Variants in PTPRD observed in about 807,000 individuals in gnomAD.
PTPRD encodes protein tyrosine phosphatase receptor type D.
PTPRD carries 34 observed loss-of-function variants against 214.5 expected under a neutral mutation model. The ratio of observed to expected loss-of-function variants is 0.16; its 90% CI spans 0.12 to 0.21. PTPRD has a LOEUF of 0.21. PTPRD is among the 10% of genes least tolerant of loss of function. The pLI is 1.00. For missense variants in PTPRD, 2,545 were observed against 2,398.7 expected, an observed-to-expected ratio of 1.06 and a Z score of -1.27; for synonymous variants, 1,128 against 845.7, an observed-to-expected ratio of 1.33 and a Z score of -5.79.
In PTPRD at chr9:10,100,897, G is replaced by C. The variant is rs556593313; in HGVS notation, c.-544-67107C>G. Among the ~76,000 whole-genome samples the C allele has an allele frequency of 1.6e-4, 24 of 151,664 alleles. No homozygotes were observed. The East Asian group carries it at 4.7e-3, about 30-fold the overall frequency. On this transcript the variant is annotated intron_variant, in intron 3 of 45. Transcript: ENST00000381196. Reference sequence around the variant, plus strand: ...AATAATAAAGAAACAAATACTAAAAGAGCAGGCAGCATACTGAGATAACGA... The same window carrying C: ...AATAATAAAGAAACAAATACTAAAACAGCAGGCAGCATACTGAGATAACGA...
intron 8 of PTPRD, among the ~76,000 whole-genome samples, chr9:9,448,139 G>A (rs1016406882): frequency 2.0e-5 from 3 of 152,004 alleles, no homozygotes; most frequent in African/African-American, 7.2e-5. Flanking sequence ...ATTTAAATCA[G>A]GGTAGTAACA....
At chr9:10,225,125 T>C (rs1564633593) in intron 3 of PTPRD, among the ~76,000 whole-genome samples, 1 of 151,966 alleles carries the variant, frequency 6.6e-6, no homozygotes, top group Non-Finnish European at 1.5e-5. Context: ...TATAGCTCCA[T>C]GTCATAAAAC....
chr9:10,595,639 T>G (rs2133118627), intron 2 of PTPRD, among the ~76,000 whole-genome samples: 1 of 151,488 alleles, frequency 6.6e-6, no homozygotes, highest in Admixed American at 6.6e-5. Context: ...ATTTAATTGA[T>G]TCACAATTAT....
At chr9:9,495,835 C>T (rs1021612284) in intron 8 of PTPRD, among the ~76,000 whole-genome samples, 3 of 152,320 alleles carry the variant, frequency 2.0e-5, no homozygotes, top group East Asian at 1.9e-4. Context: ...AGCCACCCCA[C>T]GTGATGAGGC....
At chr9:10,535,589 G>C (rs1043008141) in intron 2 of PTPRD, among the ~76,000 whole-genome samples, 1 of 151,944 alleles carries the variant, frequency 6.6e-6, no homozygotes, top group Non-Finnish European at 1.5e-5. Flanking sequence ...CACAGCAAGA[G>C]TTTTTATAGC....
At chr9:8,360,598 C>G (rs1297110569) in intron 39 of PTPRD, among the ~76,000 whole-genome samples, 1 of 152,168 alleles carries the variant, frequency 6.6e-6, no homozygotes, top group Non-Finnish European at 1.5e-5. Flanking sequence ...ATACCATACT[C>G]TATAACCCAC....
intron 8 of PTPRD, among the ~76,000 whole-genome samples, chr9:9,539,146 C>G (rs1180721140): frequency 6.6e-6 from 1 of 151,842 alleles, no homozygotes; most frequent in African/African-American, 2.4e-5. Context: ...GAAGGAGTTA[C>G]TTAAAACAGG....
At chr9:9,237,238 T>A (rs1326490784) in intron 9 of PTPRD, among the ~76,000 whole-genome samples, 1 of 152,136 alleles carries the variant, frequency 6.6e-6, no homozygotes, top group Non-Finnish European at 1.5e-5. Context: ...TCAATAGCAT[T>A]CAGGCTGCAA....
intron 11 of PTPRD, among the ~76,000 whole-genome samples, chr9:8,859,608 C>T (rs779064434): frequency 1.7e-4 from 26 of 152,142 alleles, no homozygotes; most frequent in Non-Finnish European, 3.1e-4. Context: ...TAAACAGACA[C>T]CCTTAGATTT....
intron 3 of PTPRD, among the ~76,000 whole-genome samples, chr9:10,253,192 G>T (rs561359032): frequency 6.6e-6 from 1 of 152,224 alleles, no homozygotes; most frequent in South Asian, 2.1e-4. Context: ...TAAAGGGGGT[G>T]ACCCATCACT....
intron 32 of PTPRD, among the ~76,000 whole-genome samples, chr9:8,464,599 C>T (rs1163404560): frequency 1.3e-5 from 2 of 151,842 alleles, no homozygotes; most frequent in Non-Finnish European, 2.9e-5. Flanking sequence ...ACTGGGTTGC[C>T]ACACCTGTCA....
chr9:10,173,095 A>G (rs563646421), intron 3 of PTPRD, among the ~76,000 whole-genome samples: 3 of 152,282 alleles, frequency 2.0e-5, no homozygotes, highest in African/African-American at 7.2e-5. Flanking sequence ...TTTTATCTCT[A>G]TTTGGAATAT....
chr9:8,719,521 G>C (rs10121404), intron 12 of PTPRD, among the ~76,000 whole-genome samples: 34 of 152,352 alleles, frequency 2.2e-4, no homozygotes, highest in African/African-American at 7.9e-4. Context: ...CTGATGAGGA[G>C]TTGCAGGTGA....
At chr9:9,337,026 A>G (rs1276506625) in intron 9 of PTPRD, among the ~76,000 whole-genome samples, 4 of 152,182 alleles carry the variant, frequency 2.6e-5, no homozygotes, top group Non-Finnish European at 5.9e-5. Context: ...TTTTAAAAGC[A>G]AAATACATTG....
chr9:9,636,841 A>C (rs1220708693), intron 7 of PTPRD, among the ~76,000 whole-genome samples: 1 of 152,200 alleles, frequency 6.6e-6, no homozygotes, highest in East Asian at 1.9e-4. Flanking sequence ...TTTGTTTCTC[A>C]TAGTCTTGGA....
At chr9:8,557,233 G>A (rs2084123430) in intron 14 of PTPRD, among the ~76,000 whole-genome samples, 1 of 151,754 alleles carries the variant, frequency 6.6e-6, no homozygotes, top group Non-Finnish European at 1.5e-5. Context: ...ATTACTCAGT[G>A]GTCTTGACAA....
chr9:8,568,833 G>T (rs573754611), intron 14 of PTPRD, among the ~76,000 whole-genome samples: 1 of 151,776 alleles, frequency 6.6e-6, no homozygotes, highest in Non-Finnish European at 1.5e-5. Context: ...ATAAGTGTTG[G>T]TCTTCTAAGT....
chr9:9,524,949 C>T (rs920521414), intron 8 of PTPRD, among the ~76,000 whole-genome samples: 2 of 152,102 alleles, frequency 1.3e-5, no homozygotes, highest in African/African-American at 4.8e-5. Flanking sequence ...GCTCCGCCTT[C>T]CAGGTTCACG....
At chr9:10,468,879 A>C (rs1360308512) in intron 2 of PTPRD, among the ~76,000 whole-genome samples, 1 of 152,184 alleles carries the variant, frequency 6.6e-6, no homozygotes, top group African/African-American at 2.4e-5. Flanking sequence ...ATTAAAGAAG[A>C]AAGGTCATAT....
Sources: gnomAD v4.1 joint callset for allele counts (sites outside exome capture counted in the v4.1 genomes callset) on GRCh38, gnomAD v4.1.1 for gene constraint, MANE v1.5 for transcripts, NCBI Gene and HGNC (gene_info 2026-07-23, HGNC 2026-07-21) for gene names.